Variants in NXPE4 observed in about 807,000 individuals in gnomAD.
NXPE4 encodes the protein NXPE family member 4.
Under a neutral mutation model 33.3 loss-of-function variants are expected in NXPE4, and 42 were observed. The observed-to-expected ratio is 1.26, with a 90% CI of 0.98 to 1.63. NXPE4 has a LOEUF of 1.63. Ranked by LOEUF, NXPE4 falls within the 40% of genes most tolerant of loss-of-function variation. NXPE4 has a pLI of 0.00. For synonymous variants in NXPE4, 253 were observed against 234.9 expected (o/e 1.08, Z -0.71); for missense variants, 709 against 647.6 (o/e 1.09, Z -1.03).
the NXPE4 span, among the ~76,000 whole-genome samples, chr11:114,602,297 C>A: frequency 8.7e-6 from 1 of 115,576 alleles, no homozygotes; most frequent in African/African-American, 3.4e-5. Context: ...TTATCTATAA[C>A]ATATACTATA....
intron 2 of NXPE4, among the ~76,000 whole-genome samples, chr11:114,594,075 A>T (rs1335555141): frequency 6.6e-6 from 1 of 152,096 alleles, no homozygotes; most frequent in Non-Finnish European, 1.5e-5. Context: ...ATGAGTACAA[A>T]AATATGATTA....
chr11:114,579,500 GCCCAT>G (rs1949087624), intron 5 of NXPE4, among the ~76,000 whole-genome samples: 1 of 152,168 alleles, frequency 6.6e-6, no homozygotes, highest in African/African-American at 2.4e-5. Flanking sequence ...TAGACCCCAA[GCCCAT>G]GCTTTACTTG....
At chr11:114,571,889 G>A (rs1948897419) in intron 5 of NXPE4, among the ~76,000 whole-genome samples, 1 of 152,216 alleles carries the variant, frequency 6.6e-6, no homozygotes, top group African/African-American at 2.4e-5. Flanking sequence ...CCTGCCTGTA[G>A]GACAGCAGCT....
At chr11:114,660,442 A>T in the NXPE4 span, among the ~76,000 whole-genome samples, 3 of 152,046 alleles carry the variant, frequency 2.0e-5, no homozygotes, top group African/African-American at 7.2e-5. Context: ...TTGGTAATAA[A>T]AGCCTTGTTC....
chr11:114,625,572 G>A, the NXPE4 span, among the ~76,000 whole-genome samples: 4 of 152,170 alleles, frequency 2.6e-5, no homozygotes, highest in East Asian at 1.9e-4. Flanking sequence ...AATAAGTATT[G>A]CCTCGTGGGT....
the NXPE4 span, among the ~76,000 whole-genome samples, chr11:114,676,315 G>C: frequency 1.3e-5 from 2 of 151,764 alleles, no homozygotes; most frequent in African/African-American, 4.8e-5. Context: ...AGAATGAAGA[G>C]ACAACCTACG....
the NXPE4 span, among the ~76,000 whole-genome samples, chr11:114,673,552 C>A: frequency 6.6e-6 from 1 of 151,226 alleles, no homozygotes; most frequent in South Asian, 2.1e-4. Context: ...TTCAAAAGAC[C>A]AATAAAATTG....
At chr11:114,623,164 C>T in the NXPE4 span, among the ~76,000 whole-genome samples, 58 of 151,728 alleles carry the variant, frequency 3.8e-4, no homozygotes, top group South Asian at 1.3e-3. Context: ...CAGTGTTAAC[C>T]GGTGGATAAT....
chr11:114,622,311 T>G, the NXPE4 span, among the ~76,000 whole-genome samples: 1 of 151,968 alleles, frequency 6.6e-6, no homozygotes, highest in African/African-American at 2.4e-5. Context: ...TGTTGCCTCA[T>G]GGGGAACCAC....
At chr11:114,633,428 A>G in the NXPE4 span, among the ~76,000 whole-genome samples, 1 of 146,038 alleles carries the variant, frequency 6.8e-6, no homozygotes. Context: ...TATATACAAT[A>G]TAGTATAGTA....
the NXPE4 span, among the ~76,000 whole-genome samples, chr11:114,656,668 C>T: frequency 6.6e-6 from 1 of 151,492 alleles, no homozygotes; most frequent in Non-Finnish European, 1.5e-5. Flanking sequence ...GCAAAAATCA[C>T]AAGCACTCCT....
chr11:114,576,458 A>G (rs556457162), intron 5 of NXPE4, among the ~76,000 whole-genome samples: 1 of 152,272 alleles, frequency 6.6e-6, no homozygotes, highest in East Asian at 1.9e-4. Context: ...ACAGTCAACA[A>G]AGGGCTCATA....
the NXPE4 span, among the ~76,000 whole-genome samples, chr11:114,657,187 C>A: frequency 6.6e-6 from 1 of 152,196 alleles, no homozygotes; most frequent in South Asian, 2.1e-4. Flanking sequence ...AGGACCTCCA[C>A]ATGGAATTCC....
At chr11:114,658,147 A>G in the NXPE4 span, among the ~76,000 whole-genome samples, 1 of 152,196 alleles carries the variant, frequency 6.6e-6, no homozygotes, top group African/African-American at 2.4e-5. Flanking sequence ...AATAACTTTC[A>G]TTTAACTTAT....
chr11:114,639,470 C>T, the NXPE4 span, among the ~76,000 whole-genome samples: 2 of 151,414 alleles, frequency 1.3e-5, no homozygotes, highest in Non-Finnish European at 2.9e-5. Flanking sequence ...CTGCGCTGCC[C>T]CCACTGTCCT....
the NXPE4 span, among the ~76,000 whole-genome samples, chr11:114,636,193 A>C: frequency 6.6e-6 from 1 of 151,936 alleles, no homozygotes; most frequent in Non-Finnish European, 1.5e-5. Context: ...TAGTCTTAGG[A>C]GGGTGTATGT....
At chr11:114,677,410 C>T in the NXPE4 span, among the ~76,000 whole-genome samples, 53 of 152,088 alleles carry the variant, frequency 3.5e-4, no homozygotes, top group South Asian at 8.3e-4. Flanking sequence ...TTTTTATTTG[C>T]GAACTGTACC....
At position 114,582,638 on chromosome 11, in the gene NXPE4, G is replaced by A. The variant is rs565925125; in HGVS notation, c.480C>T (p.Asn160=). 6.9e-5 allele frequency: 111 copies of A among 1,614,134 alleles called. 1 individual carries two copies. In the South Asian group the frequency reaches 7.2e-4, roughly 11 times the overall value. The part of the protein sequence containing the change: ...GASGKVTDFN[N]GTYLVSFTLF... ...GAGTGAAGCTGACCAGGTAGGTGCC[G>A]TTGTTGAAGTCAGTCACCTTTCCTG... The change falls in exon 3 of 6, where the codon AAC becomes AAT. Residue 160 remains asparagine (N), a synonymous_variant. Transcript: ENST00000375478.
the NXPE4 span, among the ~76,000 whole-genome samples, chr11:114,602,679 T>G: frequency 7.8e-5 from 11 of 141,790 alleles, no homozygotes; most frequent in African/African-American, 2.5e-4. Context: ...CAGAATCATA[T>G]GTAATAATTA....
Sources: allele counts gnomAD v4.1 joint callset (sites outside exome capture counted in the v4.1 genomes callset), GRCh38; gene constraint gnomAD v4.1.1; transcripts MANE v1.5; gene names NCBI Gene and HGNC (gene_info 2026-07-23, HGNC 2026-07-21).